Variants in CTNNA2 observed in about 807,000 individuals in gnomAD.
CTNNA2 encodes the protein catenin alpha-2.
Under a neutral mutation model 101.0 loss-of-function variants are expected in CTNNA2, and 42 were observed. The ratio of observed to expected loss-of-function variants is 0.42; its 90% confidence interval spans 0.32 to 0.54. The LOEUF (loss-of-function observed/expected upper bound fraction) is 0.54. CTNNA2 is among the 20% of genes least tolerant of loss of function. CTNNA2 has a pLI of 0.14. For synonymous variants in CTNNA2, 450 were observed against 456.4 expected (o/e 0.99, Z 0.18); for missense variants, 871 against 1,223.1 (o/e 0.71, Z 4.29).
At chr2:79,717,702 CAG>C (rs1368525337) in intron 2 of CTNNA2, among the ~76,000 whole-genome samples, 1 of 152,100 alleles carries the variant, frequency 6.6e-6, no homozygotes, top group Non-Finnish European at 1.5e-5. Flanking sequence ...CAAAATATAA[CAG>C]AAAGTGAGGG....
chr2:80,114,148 G>A (rs78365287), intron 7 of CTNNA2, among the ~76,000 whole-genome samples: 35,780 of 151,952 alleles, frequency 0.24, 4,852 homozygotes, highest in East Asian at 0.52. Flanking sequence ...TATCCTCTGG[G>A]TATATCTGTC....
intron 7 of CTNNA2, among the ~76,000 whole-genome samples, chr2:79,937,193 T>C (rs1440841083): frequency 6.7e-6 from 1 of 150,114 alleles, no homozygotes; most frequent in East Asian, 2.1e-4. Flanking sequence ...TGCTTTGCTT[T>C]AAACATCAAT....
At chr2:79,707,509 G>A (rs1170733037) in intron 2 of CTNNA2, among the ~76,000 whole-genome samples, 1 of 152,202 alleles carries the variant, frequency 6.6e-6, no homozygotes, top group African/African-American at 2.4e-5. Flanking sequence ...CCTAGTCTGT[G>A]TATTTCCTGC....
intron 4 of CTNNA2, among the ~76,000 whole-genome samples, chr2:79,399,249 A>G (rs779137453): frequency 4.6e-5 from 7 of 152,102 alleles, no homozygotes; most frequent in Non-Finnish European, 4.4e-5. Flanking sequence ...AAAGTGAAAT[A>G]TCCATAGGAA....
chr2:79,928,305 T>C (rs1221304730), intron 7 of CTNNA2, among the ~76,000 whole-genome samples: 1 of 152,202 alleles, frequency 6.6e-6, no homozygotes, highest in Non-Finnish European at 1.5e-5. Context: ...GTAGTATTTC[T>C]ATTATTCAAC....
At chr2:79,561,838 T>C (rs1241451704) in intron 1 of CTNNA2, among the ~76,000 whole-genome samples, 2 of 151,928 alleles carry the variant, frequency 1.3e-5, no homozygotes, top group Non-Finnish European at 2.9e-5. Flanking sequence ...ATAATAGTTT[T>C]TTATATATTC....
At chr2:79,647,684 AT>A (rs1282571371) in intron 1 of CTNNA2, among the ~76,000 whole-genome samples, 1 of 152,232 alleles carries the variant, frequency 6.6e-6, no homozygotes, top group African/African-American at 2.4e-5. Context: ...CAGGGCTTCA[AT>A]TTAAACAAAA....
chr2:80,426,389 G>T (rs1376041160), intron 9 of CTNNA2, among the ~76,000 whole-genome samples: 3 of 152,138 alleles, frequency 2.0e-5, no homozygotes, highest in African/African-American at 7.2e-5. Context: ...CTCTGAACTT[G>T]TTTTATTCCT....
chr2:79,306,691 T>C (rs1394147815), intron 2 of CTNNA2, among the ~76,000 whole-genome samples: 2 of 152,234 alleles, frequency 1.3e-5, no homozygotes, highest in East Asian at 3.8e-4. Context: ...GAAATGTGCA[T>C]ATTTAATTTT....
At chr2:79,981,227 A>C (rs1247139777) in intron 7 of CTNNA2, among the ~76,000 whole-genome samples, 2 of 152,180 alleles carry the variant, frequency 1.3e-5, no homozygotes, top group South Asian at 2.1e-4. Context: ...AAACCAAAAA[A>C]TAGGGGGCTT....
intron 7 of CTNNA2, among the ~76,000 whole-genome samples, chr2:80,390,417 A>C (rs1345550785): frequency 6.6e-6 from 1 of 152,172 alleles, no homozygotes; most frequent in Non-Finnish European, 1.5e-5. Context: ...AGGACGCCTC[A>C]CATCTAAGGG....
At chr2:79,955,377 G>T (rs1482331122) in intron 7 of CTNNA2, among the ~76,000 whole-genome samples, 1 of 152,196 alleles carries the variant, frequency 6.6e-6, no homozygotes, top group South Asian at 2.1e-4. Context: ...TAAAAAGAAA[G>T]GGGGAGGATG....
chr2:79,592,056 CTTAG>C (rs1294705975), intron 1 of CTNNA2, among the ~76,000 whole-genome samples: 2 of 150,880 alleles, frequency 1.3e-5, no homozygotes. Flanking sequence ...TTTCCTCTTA[CTTAG>C]TCTCACTCAC....
chr2:80,506,277 G>A (rs371227447), intron 9 of CTNNA2, among the ~76,000 whole-genome samples: 10 of 152,164 alleles, frequency 6.6e-5, no homozygotes, highest in Non-Finnish European at 8.8e-5. Flanking sequence ...GGGCTGACTC[G>A]TTAAACGATT....
intron 5 of CTNNA2, among the ~76,000 whole-genome samples, chr2:79,508,011 A>T (rs1308240976): frequency 6.6e-6 from 1 of 152,170 alleles, no homozygotes; most frequent in Admixed American, 6.5e-5. Context: ...CAGTATACTT[A>T]CTTTCCCATG....
In CTNNA2 at chr2:79,262,001, C is replaced by T. The variant is rs1674928537; in HGVS notation, c.-405-50708C>T. 2.0e-5 allele frequency among the ~76,000 whole-genome samples: 3 copies of T among 152,148 alleles called. No individual in the cohort carries two copies. The South Asian group carries it at 6.2e-4, about 32-fold the overall frequency. ...CTATATCCTTGCCTCTGGTTCACGCCTTCTAGACTCAGGAGCATGTCTAGG... is the reference window on the plus strand; with the variant it reads ...CTATATCCTTGCCTCTGGTTCACGCTTTCTAGACTCAGGAGCATGTCTAGG... On this transcript the variant is annotated intron_variant, in intron 2 of 21. Transcript: ENST00000466387.
intron 7 of CTNNA2, among the ~76,000 whole-genome samples, chr2:80,265,120 G>A (rs563529877): frequency 4.6e-5 from 7 of 151,626 alleles, no homozygotes; most frequent in East Asian, 1.9e-4. Flanking sequence ...GATTACAGGC[G>A]CCCACCACCA....
intron 7 of CTNNA2, among the ~76,000 whole-genome samples, chr2:80,136,995 T>A (rs1184021194): frequency 6.6e-6 from 1 of 152,164 alleles, no homozygotes; most frequent in Non-Finnish European, 1.5e-5. Context: ...TGTGAAAAGA[T>A]CTTCTTTCCT....
chr2:80,483,290 C>G (rs1686289949), intron 9 of CTNNA2, among the ~76,000 whole-genome samples: 1 of 151,422 alleles, frequency 6.6e-6, no homozygotes, highest in Non-Finnish European at 1.5e-5. Flanking sequence ...TGTTTCTATT[C>G]TTATCCTTCA....
Sources: gnomAD v4.1 joint callset for allele counts (sites outside exome capture counted in the v4.1 genomes callset) on GRCh38, gnomAD v4.1.1 for gene constraint, MANE v1.5 for transcripts, NCBI Gene and HGNC (gene_info 2026-07-23, HGNC 2026-07-21) for gene names.